The following ENPEP variants were observed in gnomAD, a reference collection of about 807,000 sequenced individuals.
ENPEP encodes glutamyl aminopeptidase.
ENPEP carries 103 observed loss-of-function variants against 114.5 expected under a neutral mutation model. That is an observed-to-expected ratio of 0.90 (90% CI 0.77 to 1.06). The LOEUF (loss-of-function observed/expected upper bound fraction) is 1.06, where lower values mean the gene tolerates loss of function less well. Ranked by LOEUF, ENPEP falls within the 50% of genes least tolerant of loss-of-function variation. The probability of loss-of-function intolerance (pLI) is 0.00; values close to 1 mark genes in which losing one functional copy is unlikely to be tolerated. For missense variants in ENPEP, 1,196 were observed against 1,161.3 expected (o/e 1.03, Z -0.43); for synonymous variants, 420 against 422.0 (o/e 1.00, Z 0.06).
intron 11 of ENPEP, among the ~76,000 whole-genome samples, chr4:110,539,580 T>TG (rs1345359060): frequency 1.3e-5 from 2 of 152,140 alleles, no homozygotes; most frequent in African/African-American, 4.8e-5. Flanking sequence ...TAAATTGAGA[T>TG]GGGGGTCTTG....
chr4:110,494,309 G>A (rs893450752), intron 3 of ENPEP, among the ~76,000 whole-genome samples: 1 of 152,150 alleles, frequency 6.6e-6, no homozygotes, highest in Admixed American at 6.5e-5. Flanking sequence ...TTAGTGGGGT[G>A]CATCAAAGCA....
At chr4:110,531,141 T>A in intron 10 of ENPEP, 57 bp from the exon 11 acceptor site, 1 of 1,113,482 alleles carries the variant, frequency 9.0e-7, no homozygotes, top group South Asian at 1.7e-5. Flanking sequence ...ATTTTTACTC[T>A]TGAAATTTTA....
intron 12 of ENPEP, 24 bp from the exon 13 acceptor site, chr4:110,542,991 A>T: frequency 6.2e-7 from 1 of 1,612,264 alleles, no homozygotes; most frequent in Non-Finnish European, 8.5e-7. Flanking sequence ...TTGTGTTTTT[A>T]TCTCTCTTTC....
rs548159656 is a variant in ENPEP at position 110,565,060 on chromosome 4, C to T, written c.*3502C>T. ...AATATAAACACCAAACTAATATACT[C>T]CTCTACCATAGTAATTTATTTCTTG... On this transcript the variant is annotated 3_prime_UTR_variant, in exon 20 of 20. Coordinates refer to ENST00000265162, the MANE Select transcript of ENPEP (RefSeq NM_001977.4). 7 of 152,304 alleles carry T rather than the reference C, an allele frequency of 4.6e-5. No homozygotes were observed. The highest frequency in any genetic ancestry group is 3.3e-4 in the Admixed American group (5 of 15,302). The allele number at this position is 152,304 out of a possible 1,614,324, so 9.4% of individuals were successfully genotyped here.
At chr4:110,531,054 A>G (rs573370732) in intron 10 of ENPEP, 144 bp from the exon 11 acceptor site, 5 of 360,462 alleles carry the variant, frequency 1.4e-5, no homozygotes, top group African/African-American at 6.3e-5. Flanking sequence ...AAAATGTTGT[A>G]TTAACTACAT....
chr4:110,552,630 T>TGTCA, intron 17 of ENPEP, among the ~76,000 whole-genome samples: 1 of 152,128 alleles, frequency 6.6e-6, no homozygotes, highest in Non-Finnish European at 1.5e-5. Flanking sequence ...CTTGTCACAG[T>TGTCA]GAACAAAATG....
At position 110,515,443 on chromosome 4, in the gene ENPEP, G is replaced by T. The variant is rs1725726917; in HGVS notation, c.1509+1G>T. On this transcript the variant is annotated splice_donor_variant, in intron 8 of 19. Coordinates refer to ENST00000265162, the MANE Select transcript of ENPEP (RefSeq NM_001977.4). LOFTEE classifies it high-confidence loss of function. ...AGAGAATTTTCAAAAAGGATGTCAG[G>T]TATGATTTATTACTTTTAGTGATAT... The T allele has an allele frequency of 1.9e-6, 3 of 1,591,910 alleles. No individual in the cohort carries two copies. The South Asian group carries it at 3.5e-5, about 18-fold the overall frequency.
In ENPEP at chr4:110,476,736, C is replaced by G. The variant is rs1468794508; in HGVS notation, c.322C>G (p.Pro108Ala). Residue 108 changes from proline to alanine, a missense_variant, in exon 1 of 20, where the codon CCC becomes GCC. Coordinates refer to ENST00000265162, the MANE Select transcript of ENPEP (RefSeq NM_001977.4). The stretch of plus-strand genomic sequence containing the variant: ...AGTCCACTACGACCTGCACGTGAAG[C>G]CCCTGTTGGAGGAGGACACCTACAC... ...NPVHYDLHVK[P>A]LLEEDTYTGT... 1.2e-6 allele frequency: 2 copies of G among 1,614,090 alleles called. No individual in the cohort carries two copies. The highest frequency in any genetic ancestry group is 1.7e-6 in the Non-Finnish European group (2 of 1,180,038).
At chr4:110,548,443 A>C (rs1578418133) in intron 14 of ENPEP, 117 bp downstream of exon 14, 2 of 823,414 alleles carry the variant, frequency 2.4e-6, no homozygotes. Context: ...GCCAGGTGGA[A>C]TCAAAAGAAA....
intron 11 of ENPEP, among the ~76,000 whole-genome samples, chr4:110,534,096 CG>C (rs1427122729): frequency 6.6e-6 from 1 of 152,136 alleles, no homozygotes; most frequent in Non-Finnish European, 1.5e-5. Flanking sequence ...GCTTAGAGCA[CG>C]GATGACGAAC....
intron 1 of ENPEP, among the ~76,000 whole-genome samples, chr4:110,483,994 G>A (rs1051309542): frequency 5.9e-5 from 9 of 152,104 alleles, no homozygotes; most frequent in Admixed American, 5.9e-4. Flanking sequence ...AAAAAGAACA[G>A]GTTACCATTT....
chr4:110,516,479 C>A (rs950595026), intron 8 of ENPEP, among the ~76,000 whole-genome samples: 4 of 152,172 alleles, frequency 2.6e-5, no homozygotes, highest in Non-Finnish European at 4.4e-5. Context: ...CTGCCTGCTG[C>A]GATAACCCAG....
Position 110,477,047 on chromosome 4 carries a change from C to A in ENPEP, c.633C>A (p.Asn211Lys). The A allele has an allele frequency of 1.2e-6, 2 of 1,612,672 alleles. No individual in the cohort carries two copies. Among genetic ancestry groups the A allele is most frequent in the East Asian group, 2.2e-5 (1 of 44,856 alleles). Reference protein sequence around the residue: ...VGFYRTTYTENGQVKSIVATD... With the variant: ...VGFYRTTYTEKGQVKSIVATD... ...TTTATAGAACCACCTACACGGAGAA[C>A]GGACAAGTCAAGTAAATATTAATTT... Residue 211 changes from asparagine (N) to lysine (K), a missense_variant, in exon 1 of 20, where the codon AAC becomes AAA. By Grantham distance (94) the Asn-to-Lys change is moderately conservative. Coordinates refer to ENST00000265162, the MANE Select transcript of ENPEP (RefSeq NM_001977.4).
intron 8 of ENPEP, among the ~76,000 whole-genome samples, chr4:110,518,521 A>C (rs1227657723): frequency 6.6e-6 from 1 of 152,256 alleles, no homozygotes; most frequent in African/African-American, 2.4e-5. Flanking sequence ...AATATTCAAA[A>C]GCACTAATCT....
At chr4:110,526,298 G>A (rs943624538) in intron 10 of ENPEP, among the ~76,000 whole-genome samples, 10 of 151,686 alleles carry the variant, frequency 6.6e-5, no homozygotes, top group Admixed American at 3.3e-4. Context: ...CAAACCCCCC[G>A]CCCCAAAACA....
Position 110,528,749 on chromosome 4 carries a change from G to A in ENPEP, c.1728-2449G>A, listed in dbSNP as rs139084505. On this transcript the variant is annotated intron_variant, in intron 10 of 19. Transcript: ENST00000265162. ...AGAGGGAATGGGAGTAAGTGTGTCAGCTTGGTGCAATCAAAGTCAGTTTCC... is the reference window on the plus strand; with the variant it reads ...AGAGGGAATGGGAGTAAGTGTGTCAACTTGGTGCAATCAAAGTCAGTTTCC... 6.7e-3 allele frequency among the ~76,000 whole-genome samples: 1,023 copies of A among 152,294 alleles called. 43 individuals carry two copies. Among genetic ancestry groups the A allele is most frequent in the Admixed American group, 0.061 (927 of 15,286 alleles).
intron 11 of ENPEP, among the ~76,000 whole-genome samples, chr4:110,542,479 T>G (rs1233376713): frequency 1.3e-5 from 2 of 152,112 alleles, no homozygotes; most frequent in Non-Finnish European, 2.9e-5. Context: ...TTCGCCCATT[T>G]GACAAGCTTC....
intron 8 of ENPEP, chr4:110,515,695 A>C: frequency 1.8e-6 from 1 of 560,174 alleles, no homozygotes; most frequent in Non-Finnish European, 3.4e-6. Context: ...AACTCCTTAC[A>C]TGTGTCTTAG....
Position 110,542,783 on chromosome 4 carries a change from A to G in ENPEP, c.1840A>G (p.Asn614Asp). Reference protein sequence around the residue: ...ITLNSSNPSGNAFLKINPDHI... With the variant: ...ITLNSSNPSGDAFLKINPDHI... ...TTTGAACTCCTCTAATCCTAGTGGA[A>G]ATGCTTTTCTCAAAATAAACCCAGA... Residue 614 changes from asparagine (N) to aspartate (D), a missense_variant, in exon 12 of 20, where the codon AAT (asparagine) becomes GAT (aspartate). Coordinates refer to ENST00000265162, the MANE Select transcript of ENPEP (RefSeq NM_001977.4). The G allele has an allele frequency of 6.2e-7, 1 of 1,612,952 alleles. No homozygotes were observed.
Sources: gnomAD v4.1 joint callset for allele counts (sites outside exome capture counted in the v4.1 genomes callset) on GRCh38, gnomAD v4.1.1 for gene constraint, MANE v1.5 for transcripts, NCBI Gene and HGNC (gene_info 2026-07-23, HGNC 2026-07-21) for gene names.